Variants in QTMAN observed in about 807,000 individuals in gnomAD.
QTMAN encodes queuosine-tRNA mannosyltransferase, also known as tRNA-queuosine alpha-mannosyltransferase.
At chr2:144,270,476 T>TAA in the QTMAN span, among the ~76,000 whole-genome samples, 1 of 152,076 alleles carries the variant, frequency 6.6e-6, no homozygotes, top group Non-Finnish European at 1.5e-5. Context: ...TTTGCAGCCA[T>TAA]AAAAAGAATG....
At chr2:144,299,469 G>C in the QTMAN span, among the ~76,000 whole-genome samples, 5 of 152,068 alleles carry the variant, frequency 3.3e-5, no homozygotes, top group Non-Finnish European at 7.4e-5. Flanking sequence ...TATTAATGGC[G>C]TATTCTCTAT....
At chr2:144,191,806 T>G in the QTMAN span, among the ~76,000 whole-genome samples, 1 of 152,324 alleles carries the variant, frequency 6.6e-6, no homozygotes, top group African/African-American at 2.4e-5. Context: ...ATACTTTGTA[T>G]ATTTGCTTTT....
the QTMAN span, among the ~76,000 whole-genome samples, chr2:143,994,606 A>G: frequency 6.6e-6 from 1 of 152,240 alleles, no homozygotes; most frequent in Non-Finnish European, 1.5e-5. Flanking sequence ...AAGATCCTCA[A>G]AAACACTATT....
At chr2:144,160,812 C>T in the QTMAN span, among the ~76,000 whole-genome samples, 1 of 152,228 alleles carries the variant, frequency 6.6e-6, no homozygotes, top group African/African-American at 2.4e-5. Context: ...TTTAAGGCAG[C>T]CACTTTCTCA....
chr2:144,104,014 TG>T, the QTMAN span, among the ~76,000 whole-genome samples: 26 of 152,210 alleles, frequency 1.7e-4, no homozygotes, highest in Non-Finnish European at 5.9e-5. Context: ...TGCTTGAACC[TG>T]GGAAGCAGGG....
At chr2:143,957,560 C>G in the QTMAN span, among the ~76,000 whole-genome samples, 7 of 152,164 alleles carry the variant, frequency 4.6e-5, no homozygotes, top group African/African-American at 9.6e-5. Flanking sequence ...CCACCCTCCC[C>G]CTAAATGAAA....
At chr2:144,112,505 T>C in the QTMAN span, among the ~76,000 whole-genome samples, 4 of 152,216 alleles carry the variant, frequency 2.6e-5, no homozygotes, top group South Asian at 2.1e-4. Context: ...GAACAGCCCC[T>C]AGAAAAATCT....
the QTMAN span, among the ~76,000 whole-genome samples, chr2:144,079,295 A>G: frequency 3.3e-5 from 5 of 152,268 alleles, no homozygotes; most frequent in East Asian, 9.6e-4. Flanking sequence ...AGTGAACAGT[A>G]CTTAGGAGGA....
At chr2:144,088,474 T>A in the QTMAN span, among the ~76,000 whole-genome samples, 1 of 151,976 alleles carries the variant, frequency 6.6e-6, no homozygotes. Context: ...AAAACAATTC[T>A]AAATTTATAT....
At chr2:144,253,963 T>G in the QTMAN span, among the ~76,000 whole-genome samples, 1 of 152,292 alleles carries the variant, frequency 6.6e-6, no homozygotes, top group South Asian at 2.1e-4. Context: ...AAACTCCTGC[T>G]CCCTGCTGTG....
At chr2:144,050,996 AT>A in the QTMAN span, among the ~76,000 whole-genome samples, 1 of 152,170 alleles carries the variant, frequency 6.6e-6, no homozygotes, top group African/African-American at 2.4e-5. Context: ...TGTAAATGTG[AT>A]TATTAAGTTG....
At chr2:144,016,048 AG>A in the QTMAN span, among the ~76,000 whole-genome samples, 1 of 152,202 alleles carries the variant, frequency 6.6e-6, no homozygotes, top group East Asian at 1.9e-4. Context: ...AGCCACGTTG[AG>A]TAACACTACA....
the QTMAN span, among the ~76,000 whole-genome samples, chr2:144,010,487 G>A: frequency 9.9e-5 from 15 of 152,182 alleles, no homozygotes; most frequent in Admixed American, 7.2e-4. Flanking sequence ...TGGAGGTAGG[G>A]CACATAGAAA....
At chr2:144,273,857 CG>C in the QTMAN span, among the ~76,000 whole-genome samples, 34 of 152,230 alleles carry the variant, frequency 2.2e-4, no homozygotes, top group African/African-American at 7.7e-4. Flanking sequence ...AATATATGGC[CG>C]GGCGCGGTGG....
chr2:144,052,699 T>A, the QTMAN span, among the ~76,000 whole-genome samples: 5 of 152,346 alleles, frequency 3.3e-5, no homozygotes, highest in South Asian at 1.0e-3. Flanking sequence ...TTGCCCAGAC[T>A]GGAGTGCGGT....
At chr2:144,015,884 T>C in the QTMAN span, among the ~76,000 whole-genome samples, 1 of 152,214 alleles carries the variant, frequency 6.6e-6, no homozygotes, top group South Asian at 2.1e-4. Flanking sequence ...ACCTCAGTTT[T>C]CTAATCTGTA....
chr2:144,270,112 T>G, the QTMAN span, among the ~76,000 whole-genome samples: 1 of 152,236 alleles, frequency 6.6e-6, no homozygotes, highest in Non-Finnish European at 1.5e-5. Flanking sequence ...TGTGAATGTC[T>G]ATATAGTAAA....
the QTMAN span, among the ~76,000 whole-genome samples, chr2:143,981,193 C>T: frequency 6.6e-6 from 1 of 152,174 alleles, no homozygotes; most frequent in African/African-American, 2.4e-5. Context: ...AAGACCGACA[C>T]ATCAGAGAAA....
the QTMAN span, among the ~76,000 whole-genome samples, chr2:144,039,334 G>A: frequency 6.6e-6 from 1 of 151,994 alleles, no homozygotes; most frequent in African/African-American, 2.4e-5. Context: ...GGGACTACAT[G>A]TATAGAACCC....
Sources: allele counts gnomAD v4.1 joint callset (sites outside exome capture counted in the v4.1 genomes callset), GRCh38; gene constraint gnomAD v4.1.1; transcripts MANE v1.5; gene names NCBI Gene and HGNC (gene_info 2026-07-23, HGNC 2026-07-21).